The following RAB3C variants were observed in gnomAD, a reference collection of about 807,000 sequenced individuals.
RAB3C encodes the protein RAB3C, member RAS oncogene family.
Under a neutral mutation model 26.4 loss-of-function variants are expected in RAB3C, and 17 were observed. The ratio of observed to expected loss-of-function variants is 0.64; its 90% confidence interval spans 0.44 to 0.97. The LOEUF (loss-of-function observed/expected upper bound fraction) is 0.97. Ranked by LOEUF, RAB3C falls within the 50% of genes least tolerant of loss-of-function variation. The pLI, the probability that RAB3C is intolerant of heterozygous loss-of-function variation, is 0.00. For synonymous variants in RAB3C, 91 were observed against 95.9 expected, an observed-to-expected ratio of 0.95 and a Z score of 0.30; for missense variants, 242 against 281.9, an observed-to-expected ratio of 0.86 and a Z score of 1.01.
intron 3 of RAB3C, among the ~76,000 whole-genome samples, chr5:58,791,860 G>A (rs1742530626): frequency 6.6e-6 from 1 of 152,192 alleles, no homozygotes; most frequent in Admixed American, 6.5e-5. Flanking sequence ...ATGATACTTA[G>A]AAGCAGTTTG....
intron 1 of RAB3C, among the ~76,000 whole-genome samples, chr5:58,607,818 T>C (rs1156585205): frequency 6.6e-6 from 1 of 152,096 alleles, no homozygotes; most frequent in African/African-American, 2.4e-5. Context: ...AAACTAAGCT[T>C]CATAAGTGAA....
rs1748910477 is a variant in RAB3C at position 58,704,737 on chromosome 5, G to A, written c.253-21265G>A. ...GCCATATTTTCAGAAGTTTAAAGGGGTGCTAGCTTTTTCTTTCTTTCTTTT... is the reference window on the plus strand; with the variant it reads ...GCCATATTTTCAGAAGTTTAAAGGGATGCTAGCTTTTTCTTTCTTTCTTTT... On this transcript the variant is annotated intron_variant, in intron 2 of 4. Transcript: ENST00000282878. Among the ~76,000 whole-genome samples, 4 of 152,108 alleles carry A rather than the reference G, an allele frequency of 2.6e-5. No individual in the cohort carries two copies. In the South Asian group the frequency reaches 6.2e-4, roughly 24 times the overall value.
Position 58,851,222 on chromosome 5 carries a change from G to A in RAB3C, c.555G>A (p.Glu185=). 1 of 1,613,724 alleles carries A rather than the reference G, an allele frequency of 6.2e-7. No homozygotes were observed. Among genetic ancestry groups the A allele is most frequent in the South Asian group, 1.1e-5 (1 of 90,998 alleles). Residue 185 remains glutamate, a synonymous_variant, in exon 5 of 5, where the codon GAG becomes GAA. Coordinates refer to ENST00000282878, the MANE Select transcript of RAB3C (RefSeq NM_138453.4). ...KDNINVKQTF[E]RLVDIICDKM... is the part of the protein sequence containing the mutation. ...ACATTAATGTCAAGCAGACATTTGA[G>A]CGCCTTGTGGATATCATCTGCGACA...
chr5:58,714,246 T>G (rs1268480026), intron 2 of RAB3C, among the ~76,000 whole-genome samples: 1 of 152,136 alleles, frequency 6.6e-6, no homozygotes, highest in African/African-American at 2.4e-5. Flanking sequence ...ATAAAGATAG[T>G]GATTAAAATG....
chr5:58,597,294 A>T (rs1334347231), intron 1 of RAB3C, among the ~76,000 whole-genome samples: 1 of 41,292 alleles, frequency 2.4e-5, no homozygotes, highest in African/African-American at 6.8e-5. Flanking sequence ...TACACAATAT[A>T]TATTATATAA....
intron 1 of RAB3C, 115 bp downstream of exon 1, chr5:58,583,347 T>A: frequency 6.4e-7 from 1 of 1,560,534 alleles, no homozygotes; most frequent in South Asian, 1.2e-5. Flanking sequence ...CCCGCGGAGA[T>A]GCGGCTCTGT....
At position 58,854,490 on chromosome 5, in the gene RAB3C, C is replaced by G. The variant is rs548654567; in HGVS notation, c.*3139C>G. On this transcript the variant is annotated 3_prime_UTR_variant, in exon 5 of 5. Coordinates refer to ENST00000282878, the MANE Select transcript of RAB3C (RefSeq NM_138453.4). ...GATGGGGATGGAAGTAGAAGGTGCA[C>G]AAAGCGTCCTAAGATGGCAGTTTGA... 1 of 152,290 alleles carries G rather than the reference C, an allele frequency of 6.6e-6. No individual in the cohort carries two copies. Among genetic ancestry groups the G allele is most frequent in the African/African-American group, 2.4e-5 (1 of 41,556 alleles). 9.4% of individuals were successfully genotyped at this position (152,290 alleles called of 1,614,324 possible).
intron 3 of RAB3C, among the ~76,000 whole-genome samples, chr5:58,800,753 A>C (rs1181085593): frequency 2.0e-5 from 3 of 152,168 alleles, no homozygotes; most frequent in Admixed American, 6.5e-5. Flanking sequence ...ATAATGTGGG[A>C]GACTGGACAG....
chr5:58,852,494 A>G lies in RAB3C; in HGVS notation c.*1143A>G, dbSNP rs1024146073. On this transcript the variant is annotated 3_prime_UTR_variant, in exon 5 of 5. Transcript: ENST00000282878. ...AATCTTTAATCATCTTTTTAAGTCCAGATGTTCATAAATTCTAAAGCATAT... is the reference window on the plus strand; with the variant it reads ...AATCTTTAATCATCTTTTTAAGTCCGGATGTTCATAAATTCTAAAGCATAT... 1.2e-4 allele frequency: 18 copies of G among 152,222 alleles called. No individual in the cohort carries two copies. Among genetic ancestry groups the G allele is most frequent in the African/African-American group, 4.3e-4 (18 of 41,458 alleles). 9.4% of individuals were successfully genotyped at this position (152,222 alleles called of 1,614,324 possible).
At chr5:58,753,505 A>G (rs10514874) in intron 3 of RAB3C, among the ~76,000 whole-genome samples, 18,676 of 152,202 alleles carry the variant, frequency 0.12, 1,451 homozygotes, top group East Asian at 0.19. Flanking sequence ...ATCCTGCACC[A>G]TAATCTACCT....
At position 58,651,642 on chromosome 5, in the gene RAB3C, TATTC is replaced by T. The variant is rs994612016; in HGVS notation, c.252+33779_252+33782del. Among the ~76,000 whole-genome samples, 20 of 152,302 alleles carry T rather than the reference TATTC, an allele frequency of 1.3e-4. No homozygotes were observed. The East Asian group carries it at 1.9e-3, about 15-fold the overall frequency. On this transcript the variant is annotated intron_variant, in intron 2 of 4. Transcript: ENST00000282878. ...TTCAACTTCAATGAATTTATTTAAT[TATTC>T]ATTCATCCAACAAACATCGTTTAGC...
intron 2 of RAB3C, among the ~76,000 whole-genome samples, chr5:58,703,535 A>T (rs561495698): frequency 9.2e-5 from 14 of 152,266 alleles, no homozygotes; most frequent in African/African-American, 3.4e-4. Context: ...TTTATTTGGA[A>T]TTATTATTGT....
At chr5:58,757,622 A>G (rs1342311910) in intron 3 of RAB3C, among the ~76,000 whole-genome samples, 4 of 152,196 alleles carry the variant, frequency 2.6e-5, no homozygotes, top group Non-Finnish European at 5.9e-5. Flanking sequence ...TTCATTGGTG[A>G]TGTTAACTTT....
At chr5:58,737,378 A>C (rs1741163197) in intron 3 of RAB3C, among the ~76,000 whole-genome samples, 1 of 120,376 alleles carries the variant, frequency 8.3e-6, no homozygotes, top group Non-Finnish European at 1.7e-5. Flanking sequence ...TTTTCACAGC[A>C]TTTATCACCC....
chr5:58,673,471 C>T (rs1748163792), intron 2 of RAB3C, among the ~76,000 whole-genome samples: 2 of 151,842 alleles, frequency 1.3e-5, no homozygotes, highest in African/African-American at 4.8e-5. Context: ...CACACACACA[C>T]ACACACACAC....
At chr5:58,774,023 T>A (rs4700306) in intron 3 of RAB3C, among the ~76,000 whole-genome samples, 118,040 of 151,946 alleles carry the variant, frequency 0.78, 45,952 homozygotes, top group South Asian at 0.82. Flanking sequence ...ACTCTTCACA[T>A]GCTTCCTGGA....
intron 3 of RAB3C, among the ~76,000 whole-genome samples, chr5:58,731,782 T>C (rs1177111596): frequency 6.6e-6 from 1 of 152,206 alleles, no homozygotes; most frequent in East Asian, 1.9e-4. Context: ...CAATGTTCAC[T>C]TCTGGGACTT....
chr5:58,723,330 G>A (rs1050753599), intron 2 of RAB3C, among the ~76,000 whole-genome samples: 1 of 151,430 alleles, frequency 6.6e-6, no homozygotes, highest in African/African-American at 2.4e-5. Flanking sequence ...TTTCTTTTCT[G>A]TAAAATTACC....
chr5:58,746,716 A>G (rs1288523534), intron 3 of RAB3C, among the ~76,000 whole-genome samples: 3 of 152,196 alleles, frequency 2.0e-5, no homozygotes, highest in African/African-American at 7.2e-5. Context: ...AATCAATCTC[A>G]TGTGTATCTT....
Sources: gnomAD v4.1 joint callset for allele counts (sites outside exome capture counted in the v4.1 genomes callset) on GRCh38, gnomAD v4.1.1 for gene constraint, MANE v1.5 for transcripts, NCBI Gene and HGNC (gene_info 2026-07-23, HGNC 2026-07-21) for gene names.